HDAC9: variants seen among roughly 807,000 people sequenced by gnomAD.
The protein encoded by HDAC9 is histone deacetylase 9.
A neutral mutation model predicts 139.4 loss-of-function variants in HDAC9; 41 were observed. The ratio of observed to expected loss-of-function variants is 0.29; its 90% CI spans 0.23 to 0.38. The LOEUF is 0.38. Among genes scored for constraint, HDAC9 ranks in the 10% least tolerant of loss-of-function variants. The pLI, the probability that HDAC9 is intolerant of heterozygous loss-of-function variation, is 1.00. For synonymous variants in HDAC9, 517 were observed against 476.2 expected (o/e 1.09, Z -1.12); for missense variants, 1,147 against 1,297.0 (o/e 0.88, Z 1.78).
intron 2 of HDAC9, among the ~76,000 whole-genome samples, chr7:18,522,222 A>G (rs1586633853): frequency 1.3e-5 from 2 of 152,220 alleles, no homozygotes; most frequent in East Asian, 3.8e-4. Context: ...TCCACTAAGT[A>G]CAAAAAAGCA....
intron 1 of HDAC9, among the ~76,000 whole-genome samples, chr7:18,471,589 G>A (rs532047798): frequency 2.5e-4 from 38 of 152,292 alleles, no homozygotes; most frequent in Admixed American, 7.2e-4. Flanking sequence ...TTAGGTGAAA[G>A]CTCAGTATCA....
intron 1 of HDAC9, among the ~76,000 whole-genome samples, chr7:18,299,076 A>G (rs183062395): frequency 5.9e-5 from 9 of 152,306 alleles, no homozygotes; most frequent in Admixed American, 4.6e-4. Flanking sequence ...TTATTGTTGA[A>G]AAATGAATTA....
chr7:18,280,556 C>A lies in HDAC9; in HGVS notation c.25+118207C>A, dbSNP rs866036077. 4.6e-5 allele frequency among the ~76,000 whole-genome samples: 7 copies of A among 151,102 alleles called. No individual in the cohort carries two copies. The Middle Eastern group carries it at 0.01, about 220-fold the overall frequency. ...TGAGCCAAGATCGCTCCATTGCACT[C>A]CAGCCTGGGTGACAGAGCGAGACTC... On this transcript the variant is annotated intron_variant, in intron 2 of 12. Coordinates refer to the HDAC9 transcript ENST00000417496.
intron 21 of HDAC9, among the ~76,000 whole-genome samples, chr7:18,854,603 G>T (rs1453113774): frequency 6.6e-6 from 1 of 151,786 alleles, no homozygotes; most frequent in Non-Finnish European, 1.5e-5. Flanking sequence ...GGCTGTAAGA[G>T]AAAGAAACAA....
chr7:18,690,186 C>A (rs1782572529), intron 12 of HDAC9, among the ~76,000 whole-genome samples: 1 of 151,854 alleles, frequency 6.6e-6, no homozygotes, highest in Non-Finnish European at 1.5e-5. Context: ...GGTTTTTATC[C>A]ATATTTTATA....
chr7:18,352,190 G>A (rs1374193182), intron 1 of HDAC9, among the ~76,000 whole-genome samples: 1 of 152,124 alleles, frequency 6.6e-6, no homozygotes, highest in African/African-American at 2.4e-5. Context: ...GTTTCCTTAG[G>A]CTGTCTGTTT....
chr7:18,553,322 C>T (rs893484108), intron 2 of HDAC9, among the ~76,000 whole-genome samples: 1 of 152,014 alleles, frequency 6.6e-6, no homozygotes, highest in Non-Finnish European at 1.5e-5. Context: ...CCTTAAGAAC[C>T]CTATGTTTTT....
intron 2 of HDAC9, among the ~76,000 whole-genome samples, chr7:18,169,696 T>A (rs1023157949): frequency 1.3e-5 from 2 of 151,900 alleles, no homozygotes; most frequent in African/African-American, 4.8e-5. Flanking sequence ...CACCTATGAG[T>A]GAGAACATGT....
At chr7:18,511,901 T>A (rs1801626202) in intron 2 of HDAC9, among the ~76,000 whole-genome samples, 1 of 152,110 alleles carries the variant, frequency 6.6e-6, no homozygotes, top group African/African-American at 2.4e-5. Context: ...CGAGTGGTTT[T>A]CATATGCTAT....
chr7:18,398,220 G>C (rs572919716), intron 1 of HDAC9, among the ~76,000 whole-genome samples: 4 of 152,142 alleles, frequency 2.6e-5, no homozygotes, highest in African/African-American at 9.6e-5. Context: ...TTCAAAATAA[G>C]CAAAAACTAT....
At chr7:18,583,757 T>TA (rs1342991919) in intron 2 of HDAC9, among the ~76,000 whole-genome samples, 1 of 152,122 alleles carries the variant, frequency 6.6e-6, no homozygotes, top group Non-Finnish European at 1.5e-5. Context: ...TCCAGCAGCC[T>TA]AAAAAATCTT....
At chr7:18,978,170 G>T (rs1784671178) in intron 25 of HDAC9, among the ~76,000 whole-genome samples, 1 of 152,094 alleles carries the variant, frequency 6.6e-6, no homozygotes, top group Non-Finnish European at 1.5e-5. Flanking sequence ...CTAAATGGAT[G>T]GAAAAGAGTG....
At chr7:18,477,413 G>C (rs998338882) in intron 1 of HDAC9, among the ~76,000 whole-genome samples, 1 of 151,318 alleles carries the variant, frequency 6.6e-6, no homozygotes, top group African/African-American at 2.4e-5. Flanking sequence ...GTGCATGCGT[G>C]TGTGTGTGTG....
chr7:18,870,894 C>T (rs1305958778), intron 21 of HDAC9, among the ~76,000 whole-genome samples: 1 of 152,104 alleles, frequency 6.6e-6, no homozygotes, highest in Non-Finnish European at 1.5e-5. Context: ...AACCCCTAGG[C>T]TCAAGCAATT....
In HDAC9 at chr7:18,433,928, C is replaced by T. The variant is rs1394728761; in HGVS notation, c.-41-62334C>T. 2.6e-5 allele frequency among the ~76,000 whole-genome samples: 4 copies of T among 152,208 alleles called. No homozygotes were observed. The East Asian group carries it at 7.7e-4, about 29-fold the overall frequency. ...ATTGGGGAAAAAAAATCCTAAAAATCACATGGAACCAAAAAAGAGCCTGAG... is the reference window on the plus strand; with the variant it reads ...ATTGGGGAAAAAAAATCCTAAAAATTACATGGAACCAAAAAAGAGCCTGAG... On this transcript the variant is annotated intron_variant, in intron 1 of 3. Transcript: ENST00000413509.
chr7:18,266,608 G>C (rs1368126500), intron 2 of HDAC9, among the ~76,000 whole-genome samples: 1 of 152,012 alleles, frequency 6.6e-6, no homozygotes. Flanking sequence ...ATTTTTTCCT[G>C]TTTCATCAAG....
At chr7:18,456,313 T>G (rs1405283562) in intron 1 of HDAC9, among the ~76,000 whole-genome samples, 1 of 152,152 alleles carries the variant, frequency 6.6e-6, no homozygotes, top group East Asian at 1.9e-4. Context: ...CTCCACTCAC[T>G]GCAAACTCCA....
At position 18,648,457 on chromosome 7, in the gene HDAC9, T is replaced by A; in HGVS notation, c.1250-9T>A. 6.2e-7 allele frequency: 1 copy of A among 1,607,868 alleles called. No individual in the cohort carries two copies. The highest frequency in any genetic ancestry group is 1.1e-5 in the South Asian group (1 of 90,928). On this transcript the variant is annotated splice_polypyrimidine_tract_variant and intron_variant, in intron 10 of 25. Coordinates refer to ENST00000686413, the MANE Select transcript of HDAC9 (RefSeq NM_178425.4). ...GTATACACACATATACATGTATTTT[T>A]TTTTTCAGGTGGAGTTCCCTTACAT...
intron 22 of HDAC9, among the ~76,000 whole-genome samples, chr7:18,880,319 A>T (rs1799637709): frequency 6.6e-6 from 1 of 152,190 alleles, no homozygotes; most frequent in Non-Finnish European, 1.5e-5. Flanking sequence ...ATATACCCAG[A>T]GGAATATAAA....
Sources: allele counts gnomAD v4.1 joint callset (sites outside exome capture counted in the v4.1 genomes callset), GRCh38; gene constraint gnomAD v4.1.1; transcripts MANE v1.5; gene names NCBI Gene and HGNC (gene_info 2026-07-23, HGNC 2026-07-21).